Variants in NELL1 observed in about 807,000 individuals in gnomAD.
NELL1 encodes neural EGFL like 1, also known as protein kinase C-binding protein NELL1.
NELL1 carries 76 observed loss-of-function variants against 107.4 expected under a neutral mutation model. The observed-to-expected ratio is 0.71, with a 90% CI of 0.59 to 0.86. The LOEUF is 0.86. NELL1 is among the 40% of genes least tolerant of loss of function. The pLI is 0.00. For missense variants in NELL1, 1,024 were observed against 1,005.5 expected (o/e 1.02, Z -0.25); for synonymous variants, 353 against 341.2 (o/e 1.03, Z -0.38).
At chr11:21,061,072 TTGCAAAGCC>T (rs1206292756) in intron 12 of NELL1, among the ~76,000 whole-genome samples, 1 of 152,154 alleles carries the variant, frequency 6.6e-6, no homozygotes, top group Non-Finnish European at 1.5e-5. Context: ...GACTTTGATA[TTGCAAAGCC>T]TAACAACCAG....
chr11:21,186,963 T>C (rs1856947743), intron 13 of NELL1, among the ~76,000 whole-genome samples: 1 of 151,802 alleles, frequency 6.6e-6, no homozygotes, highest in Admixed American at 6.5e-5. Context: ...TTTGGACAAG[T>C]CACTTTAATA....
At chr11:21,339,457 T>C (rs954828208) in intron 14 of NELL1, among the ~76,000 whole-genome samples, 1 of 152,252 alleles carries the variant, frequency 6.6e-6, no homozygotes, top group Non-Finnish European at 1.5e-5. Flanking sequence ...TGAATTTCTG[T>C]TGTTTAAGAC....
chr11:21,306,458 A>G (rs534794685), intron 14 of NELL1, among the ~76,000 whole-genome samples: 1 of 152,040 alleles, frequency 6.6e-6, no homozygotes, highest in Non-Finnish European at 1.5e-5. Context: ...CTGAAGTATA[A>G]TAATAATGAT....
chr11:21,451,185 T>TTAAA, intron 15 of NELL1, among the ~76,000 whole-genome samples: 1 of 101,626 alleles, frequency 9.8e-6, no homozygotes, highest in Admixed American at 1.2e-4. Flanking sequence ...AGACTCCGTC[T>TTAAA]AAAAAAAAAA....
chr11:20,863,486 A>G (rs1307994484), intron 4 of NELL1, among the ~76,000 whole-genome samples: 5 of 108,700 alleles, frequency 4.6e-5, no homozygotes, highest in Non-Finnish European at 8.0e-5. Flanking sequence ...CCGGGCAGAG[A>G]CGCTCCTCAC....
intron 16 of NELL1, among the ~76,000 whole-genome samples, chr11:21,542,545 T>C (rs1330454481): frequency 6.6e-6 from 1 of 152,026 alleles, no homozygotes; most frequent in Non-Finnish European, 1.5e-5. Context: ...TTCTGAGCGA[T>C]GGGCAGGATA....
intron 12 of NELL1, among the ~76,000 whole-genome samples, chr11:21,081,409 G>A (rs915810927): frequency 2.6e-5 from 4 of 151,948 alleles, no homozygotes; most frequent in African/African-American, 7.2e-5. Flanking sequence ...ATAAACGAAG[G>A]TGATCACAGA....
intron 19 of NELL1, among the ~76,000 whole-genome samples, chr11:21,574,750 C>T (rs1323569239): frequency 6.6e-6 from 1 of 151,828 alleles, no homozygotes; most frequent in South Asian, 2.1e-4. Context: ...AATTGAACTG[C>T]TAGCAGAATC....
At chr11:20,674,467 C>T in intron 1 of NELL1, 1 of 1,534,208 alleles carries the variant, frequency 6.5e-7, no homozygotes, top group Non-Finnish European at 8.7e-7. Context: ...CACGGTAACC[C>T]AAAACATGAA....
Position 21,042,185 on chromosome 11 carries a change from A to G in NELL1, c.1301-71404A>G, listed in dbSNP as rs187190415. ...TTATAAACGAAAAACAAAAATGGGC[A>G]TAAAAATTGCATGGCAGTATTCAGT... On this transcript the variant is annotated intron_variant, in intron 12 of 19. Transcript: ENST00000357134. Among the ~76,000 whole-genome samples the G allele has an allele frequency of 5.3e-3, 813 of 152,384 alleles. 3 individuals carry two copies. Among genetic ancestry groups the G allele is most frequent in the Admixed American group, 0.011 (167 of 15,298 alleles).
intron 15 of NELL1, among the ~76,000 whole-genome samples, chr11:21,516,740 TACACAC>T (rs113449367): frequency 2.8e-5 from 4 of 141,960 alleles, no homozygotes; most frequent in Non-Finnish European, 6.2e-5. Context: ...CACACACACA[TACACAC>T]ACACACACAC....
At chr11:21,347,264 G>A (rs773240554) in intron 14 of NELL1, among the ~76,000 whole-genome samples, 2 of 152,116 alleles carry the variant, frequency 1.3e-5, no homozygotes, top group East Asian at 3.9e-4. Flanking sequence ...AACAACAAGT[G>A]TAAAGGCCCT....
At chr11:21,018,328 A>C (rs956465920) in intron 12 of NELL1, among the ~76,000 whole-genome samples, 3 of 152,116 alleles carry the variant, frequency 2.0e-5, no homozygotes, top group African/African-American at 7.2e-5. Context: ...GAGTACACTT[A>C]GCCGTGGGAA....
At chr11:21,124,602 G>C (rs899376170) in intron 13 of NELL1, among the ~76,000 whole-genome samples, 3 of 132,898 alleles carry the variant, frequency 2.3e-5, no homozygotes, top group Non-Finnish European at 4.7e-5. Flanking sequence ...CCTCACAGAT[G>C]ATTTTTTTTT....
intron 15 of NELL1, among the ~76,000 whole-genome samples, chr11:21,518,301 G>A (rs901986316): frequency 2.0e-5 from 3 of 152,072 alleles, no homozygotes; most frequent in Admixed American, 6.6e-5. Context: ...GGTGTAATCA[G>A]ATGATGACAG....
At chr11:20,725,277 A>G (rs1855483585) in intron 2 of NELL1, among the ~76,000 whole-genome samples, 1 of 152,222 alleles carries the variant, frequency 6.6e-6, no homozygotes, top group South Asian at 2.1e-4. Flanking sequence ...TGAAACATCC[A>G]CTTCCCCAGA....
At chr11:20,825,238 A>G (rs1319784332) in intron 3 of NELL1, among the ~76,000 whole-genome samples, 3 of 151,486 alleles carry the variant, frequency 2.0e-5, no homozygotes, top group African/African-American at 7.2e-5. Flanking sequence ...AGGGCAGTAC[A>G]GAAAGGAAAT....
intron 13 of NELL1, among the ~76,000 whole-genome samples, chr11:21,168,348 C>A (rs1022637784): frequency 6.6e-6 from 1 of 151,664 alleles, no homozygotes; most frequent in Non-Finnish European, 1.5e-5. Context: ...TAAAAAATAT[C>A]ATCTCACTGT....
intron 16 of NELL1, among the ~76,000 whole-genome samples, chr11:21,539,529 G>T (rs116062818): frequency 1.3e-5 from 2 of 151,782 alleles, no homozygotes; most frequent in Admixed American, 6.6e-5. Context: ...ATGCGGAGCT[G>T]GAAAGGGGAT....
Sources: gnomAD v4.1 joint callset for allele counts (sites outside exome capture counted in the v4.1 genomes callset) on GRCh38, gnomAD v4.1.1 for gene constraint, MANE v1.5 for transcripts, NCBI Gene and HGNC (gene_info 2026-07-23, HGNC 2026-07-21) for gene names.